DRC9: variants seen among roughly 807,000 people sequenced by gnomAD.
DRC9 encodes the protein dynein regulatory complex protein 9.
chr3:197,951,507 C>T, the DRC9 span: 1 of 593,784 alleles, frequency 1.7e-6, no homozygotes. Context: ...CGCCGGCCAC[C>T]ACGCCCGGCT....
At chr3:197,906,712 A>G in the DRC9 span, 1 of 152,386 alleles carries the variant, frequency 6.6e-6, no homozygotes, top group South Asian at 2.1e-4. Flanking sequence ...GGAGACTTAC[A>G]GTAGGTACTT....
At chr3:197,891,253 C>T in the DRC9 span, among the ~76,000 whole-genome samples, 4 of 152,172 alleles carry the variant, frequency 2.6e-5, no homozygotes, top group African/African-American at 7.2e-5. Context: ...GCTGGGGGCA[C>T]GTCCTTTTCT....
the DRC9 span, chr3:197,892,716 T>C: frequency 6.2e-7 from 1 of 1,614,168 alleles, no homozygotes; most frequent in South Asian, 1.1e-5. Context: ...TTCTGTGTCC[T>C]TATCGTATTT....
At chr3:197,912,038 C>CT in the DRC9 span, among the ~76,000 whole-genome samples, 3 of 151,392 alleles carry the variant, frequency 2.0e-5, no homozygotes, top group Admixed American at 6.6e-5. Flanking sequence ...AAAATTATGT[C>CT]TTTTTTTGGT....
chr3:197,943,646 AAG>A, the DRC9 span: 2 of 893,940 alleles, frequency 2.2e-6, no homozygotes, highest in Non-Finnish European at 1.7e-6. Flanking sequence ...CAAAAAAAAA[AAG>A]AAAAGAAACA....
the DRC9 span, among the ~76,000 whole-genome samples, chr3:197,903,512 T>C: frequency 6.6e-6 from 1 of 152,128 alleles, no homozygotes; most frequent in Non-Finnish European, 1.5e-5. Context: ...AGTGCACTCC[T>C]GTAGTCCCAG....
At chr3:197,907,512 A>C in the DRC9 span, among the ~76,000 whole-genome samples, 1 of 152,234 alleles carries the variant, frequency 6.6e-6, no homozygotes, top group African/African-American at 2.4e-5. Context: ...TGTTGGATCT[A>C]ACACTCTTAG....
At chr3:197,919,759 G>C in the DRC9 span, among the ~76,000 whole-genome samples, 1 of 152,158 alleles carries the variant, frequency 6.6e-6, no homozygotes, top group African/African-American at 2.4e-5. Context: ...CGGAGTACTG[G>C]TTCCTGGAAG....
At chr3:197,915,163 C>CAAAAAAAAAAAAAAAAAAAAAAA in the DRC9 span, among the ~76,000 whole-genome samples, 1 of 71,364 alleles carries the variant, frequency 1.4e-5, no homozygotes, top group African/African-American at 4.4e-5. Context: ...GATTCTGTCT[C>CAAAAAAAAAAAAAAAAAAAAAAA]AAAAAAAAAA....
chr3:197,890,382 G>A, the DRC9 span, among the ~76,000 whole-genome samples: 2 of 150,942 alleles, frequency 1.3e-5, no homozygotes, highest in Non-Finnish European at 2.9e-5. Context: ...TCCAGCCTGA[G>A]TGACAAAGTG....
At chr3:197,932,219 C>T in the DRC9 span, 4 of 1,613,534 alleles carry the variant, frequency 2.5e-6, no homozygotes, top group African/African-American at 5.3e-5. Flanking sequence ...CCTCTCTTTG[C>T]TCAAAGCTTG....
the DRC9 span, among the ~76,000 whole-genome samples, chr3:197,937,812 G>A: frequency 3.3e-5 from 5 of 151,956 alleles, no homozygotes; most frequent in African/African-American, 1.2e-4. Flanking sequence ...CAGCCAGTGT[G>A]GCTGTAGTCC....
At chr3:197,902,592 G>A in the DRC9 span, among the ~76,000 whole-genome samples, 15 of 151,882 alleles carry the variant, frequency 9.9e-5, no homozygotes, top group Non-Finnish European at 1.6e-4. Flanking sequence ...AGGCATCAGA[G>A]TCTCAAGAGC....
the DRC9 span, among the ~76,000 whole-genome samples, chr3:197,893,518 G>A: frequency 6.6e-6 from 1 of 151,840 alleles, no homozygotes; most frequent in Admixed American, 6.6e-5. Flanking sequence ...TCCTAGTCAA[G>A]AAGGATACAA....
the DRC9 span, among the ~76,000 whole-genome samples, chr3:197,916,896 A>T: frequency 1.3e-5 from 2 of 151,664 alleles, no homozygotes; most frequent in African/African-American, 2.4e-5. Flanking sequence ...AAAAAAAAAA[A>T]TCACACAAAA....
chr3:197,892,777 G>A, the DRC9 span: 1 of 1,613,766 alleles, frequency 6.2e-7, no homozygotes, highest in Non-Finnish European at 8.5e-7. Context: ...GAAAGAACAT[G>A]AAAACATGGC....
chr3:197,906,094 G>T, the DRC9 span, among the ~76,000 whole-genome samples: 4 of 152,078 alleles, frequency 2.6e-5, no homozygotes, highest in African/African-American at 9.7e-5. Context: ...TTTGCTTTGT[G>T]AAAGTGGATG....
the DRC9 span, chr3:197,950,803 G>T: frequency 1.4e-6 from 1 of 732,920 alleles, no homozygotes. Flanking sequence ...TGGATGTTCT[G>T]GCATTGTTGT....
chr3:197,937,659 T>C, the DRC9 span, among the ~76,000 whole-genome samples: 2 of 152,072 alleles, frequency 1.3e-5, no homozygotes, highest in African/African-American at 2.4e-5. Context: ...TTTGTATTTT[T>C]AGTAGAGACA....
Sources: gnomAD v4.1 joint callset for allele counts (sites outside exome capture counted in the v4.1 genomes callset) on GRCh38, gnomAD v4.1.1 for gene constraint, MANE v1.5 for transcripts, NCBI Gene and HGNC (gene_info 2026-07-23, HGNC 2026-07-21) for gene names.